Variants in EDIL3 observed in about 807,000 individuals in gnomAD.
The protein encoded by EDIL3 is EGF-like repeat and discoidin I-like domain-containing protein 3.
Under a neutral mutation model 67.4 loss-of-function variants are expected in EDIL3, and 37 were observed. That is an observed-to-expected ratio of 0.55 (90% confidence interval 0.42 to 0.72). The LOEUF (loss-of-function observed/expected upper bound fraction) is 0.72, where lower values mean the gene tolerates loss of function less well. Among genes scored for constraint, EDIL3 ranks in the 30% least tolerant of loss-of-function variants. EDIL3 has a pLI of 0.00. For synonymous variants in EDIL3, 195 were observed against 196.3 expected, an observed-to-expected ratio of 0.99 and a Z score of 0.05; for missense variants, 527 against 586.3, an observed-to-expected ratio of 0.90 and a Z score of 1.04.
chr5:84,039,940 TAGTC>T (rs1421608350), intron 9 of EDIL3, among the ~76,000 whole-genome samples: 2 of 152,186 alleles, frequency 1.3e-5, no homozygotes, highest in East Asian at 1.9e-4. Context: ...ACAGGGAACT[TAGTC>T]ATTCTAATCA....
intron 7 of EDIL3, among the ~76,000 whole-genome samples, chr5:84,066,130 A>AG (rs1312196726): frequency 2.6e-5 from 4 of 151,926 alleles, no homozygotes; most frequent in Admixed American, 6.6e-5. Context: ...AAAAAAAAAA[A>AG]AAAGTGCGTT....
chr5:84,042,567 C>T (rs1209851061), intron 9 of EDIL3, among the ~76,000 whole-genome samples: 1 of 152,148 alleles, frequency 6.6e-6, no homozygotes, highest in Non-Finnish European at 1.5e-5. Flanking sequence ...CAGGCATGAG[C>T]CACTGCTCCT....
intron 9 of EDIL3, among the ~76,000 whole-genome samples, chr5:83,994,808 A>G (rs1170957464): frequency 6.6e-6 from 1 of 152,202 alleles, no homozygotes. Flanking sequence ...GAATTGCTTG[A>G]TCAAAATTAA....
chr5:84,184,562 C>T (rs1580366197), intron 3 of EDIL3, among the ~76,000 whole-genome samples: 1 of 152,168 alleles, frequency 6.6e-6, no homozygotes, highest in African/African-American at 2.4e-5. Context: ...ACACACAAGC[C>T]TGTGAGTGGT....
At chr5:83,973,845 A>G (rs1003613016) in intron 9 of EDIL3, among the ~76,000 whole-genome samples, 3 of 152,002 alleles carry the variant, frequency 2.0e-5, no homozygotes, top group African/African-American at 7.2e-5. Flanking sequence ...CATTAAAAGT[A>G]ATTGGAAAAA....
intron 5 of EDIL3, among the ~76,000 whole-genome samples, chr5:84,131,834 A>C (rs890434162): frequency 6.6e-6 from 1 of 152,172 alleles, no homozygotes; most frequent in African/African-American, 2.4e-5. Flanking sequence ...GAGCATAACA[A>C]TACAAATCTC....
intron 5 of EDIL3, among the ~76,000 whole-genome samples, chr5:84,131,014 A>G (rs1747956647): frequency 6.6e-6 from 1 of 152,134 alleles, no homozygotes. Context: ...GACATACACT[A>G]ATTTACTAAA....
intron 1 of EDIL3, among the ~76,000 whole-genome samples, chr5:84,290,241 A>G (rs1745885617): frequency 6.6e-6 from 1 of 152,128 alleles, no homozygotes. Context: ...ATGCCAGACA[A>G]TGTGGAAGAG....
intron 3 of EDIL3, among the ~76,000 whole-genome samples, chr5:84,204,134 A>G (rs1364815674): frequency 6.6e-6 from 1 of 152,234 alleles, no homozygotes; most frequent in South Asian, 2.1e-4. Context: ...ATGGTCATTT[A>G]GTGAATAAAC....
chr5:84,280,815 A>C (rs1039386083), intron 1 of EDIL3, among the ~76,000 whole-genome samples: 1 of 151,256 alleles, frequency 6.6e-6, no homozygotes, highest in Non-Finnish European at 1.5e-5. Context: ...GTGGTGGTGC[A>C]TGCCCATAGT....
intron 1 of EDIL3, among the ~76,000 whole-genome samples, chr5:84,290,469 G>A (rs571260729): frequency 1.6e-4 from 25 of 152,228 alleles, no homozygotes; most frequent in Admixed American, 1.2e-3. Flanking sequence ...GCTACCGAAC[G>A]TTGGCAGAAT....
intron 2 of EDIL3, among the ~76,000 whole-genome samples, chr5:84,250,032 TGTGA>T (rs1412013235): frequency 6.6e-6 from 1 of 152,142 alleles, no homozygotes; most frequent in Non-Finnish European, 1.5e-5. Context: ...CATCCAGGAA[TGTGA>T]GTGAGTAATT....
intron 2 of EDIL3, among the ~76,000 whole-genome samples, chr5:84,238,182 C>T (rs1744715415): frequency 6.6e-6 from 1 of 151,680 alleles, no homozygotes; most frequent in South Asian, 2.1e-4. Flanking sequence ...TGTGTCACAA[C>T]CAAGTATTTC....
intron 9 of EDIL3, among the ~76,000 whole-genome samples, chr5:83,971,433 G>A (rs1439391929): frequency 6.6e-6 from 1 of 151,588 alleles, no homozygotes; most frequent in African/African-American, 2.4e-5. Flanking sequence ...TCCATGCCTG[G>A]TTAACCTTTT....
chr5:83,983,971 A>T (rs62364167), intron 9 of EDIL3, among the ~76,000 whole-genome samples: 18,000 of 151,910 alleles, frequency 0.12, 1,806 homozygotes, highest in African/African-American at 0.28. Context: ...AGGGGTATAG[A>T]TTAGATTCTC....
Position 84,137,874 on chromosome 5 carries a change from G to C in EDIL3, c.356-520C>G, listed in dbSNP as rs148543571. ...AGTTAATAGCTAAAGCTCGTTACAT[G>C]CAAAGTATAATAAATGTAAATGGTG... On this transcript the variant is annotated intron_variant, in intron 4 of 10. Transcript: ENST00000296591. Among the ~76,000 whole-genome samples, 191 of 152,262 alleles carry C rather than the reference G, an allele frequency of 1.3e-3. 1 individual carries two copies. The highest frequency in any genetic ancestry group is 4.2e-3 in the African/African-American group (176 of 41,564).
intron 6 of EDIL3, 96 bp from the exon 7 acceptor site, chr5:84,066,702 T>C: frequency 7.0e-7 from 1 of 1,428,760 alleles, no homozygotes; most frequent in Non-Finnish European, 9.4e-7. Flanking sequence ...TTAATGCAGA[T>C]TAATAATAAC....
intron 5 of EDIL3, among the ~76,000 whole-genome samples, chr5:84,113,513 C>T (rs1223478896): frequency 2.0e-5 from 3 of 152,024 alleles, no homozygotes; most frequent in Admixed American, 6.6e-5. Context: ...CTCCCCATAG[C>T]AACTTTTCTG....
intron 1 of EDIL3, among the ~76,000 whole-genome samples, chr5:84,320,649 T>C (rs1382002982): frequency 6.6e-6 from 1 of 152,158 alleles, no homozygotes; most frequent in African/African-American, 2.4e-5. Context: ...GAGCATTGTG[T>C]GATACTTACT....
Sources: gnomAD v4.1 joint callset for allele counts (sites outside exome capture counted in the v4.1 genomes callset) on GRCh38, gnomAD v4.1.1 for gene constraint, MANE v1.5 for transcripts, NCBI Gene and HGNC (gene_info 2026-07-23, HGNC 2026-07-21) for gene names.